Variants in PTPRG observed in about 807,000 individuals in gnomAD.
PTPRG encodes the protein receptor-type tyrosine-protein phosphatase gamma.
Under a neutral mutation model 165.3 loss-of-function variants are expected in PTPRG, and 102 were observed. The ratio of observed to expected loss-of-function variants is 0.62; its 90% CI spans 0.53 to 0.73. The LOEUF is 0.73. PTPRG is among the 30% of genes least tolerant of loss of function. PTPRG has a pLI of 0.00. For synonymous variants in PTPRG, 675 were observed against 669.5 expected (o/e 1.01, Z -0.13); for missense variants, 1,866 against 1,861.4 (o/e 1.00, Z -0.05).
chr3:61,746,143 C>T (rs1180515069), intron 1 of PTPRG, among the ~76,000 whole-genome samples: 5 of 149,416 alleles, frequency 3.3e-5, no homozygotes, highest in Admixed American at 6.7e-5. Flanking sequence ...CCCTGGCTCA[C>T]GCTATCGTCC....
At chr3:62,092,740 G>A (rs1701985397) in intron 5 of PTPRG, among the ~76,000 whole-genome samples, 2 of 152,138 alleles carry the variant, frequency 1.3e-5, no homozygotes, top group South Asian at 4.1e-4. Flanking sequence ...GTTAATACGG[G>A]TAAAATCAAC....
chr3:61,839,565 C>T (rs538609586), intron 2 of PTPRG, among the ~76,000 whole-genome samples: 2 of 152,084 alleles, frequency 1.3e-5, no homozygotes, highest in Admixed American at 6.6e-5. Flanking sequence ...GGGACTTGAA[C>T]TGAAAAGATA....
intron 2 of PTPRG, among the ~76,000 whole-genome samples, chr3:61,880,940 A>C (rs190977631): frequency 7.2e-6 from 1 of 139,404 alleles, no homozygotes; most frequent in East Asian, 2.2e-4. Context: ...AGACCATGCT[A>C]TGCTGTCTTT....
At chr3:61,871,163 G>GTGTTGTGTTGTGTTGTGTTATGTTA (rs2037566160) in intron 2 of PTPRG, among the ~76,000 whole-genome samples, 1 of 116,582 alleles carries the variant, frequency 8.6e-6, no homozygotes, top group East Asian at 2.4e-4. Flanking sequence ...GTGTTGTGTT[G>GTGTTGTGTTGTGTTGTGTTATGTTA]TGTTATGTTA....
intron 2 of PTPRG, among the ~76,000 whole-genome samples, chr3:61,866,652 T>C (rs1337254732): frequency 1.6e-5 from 2 of 127,570 alleles, no homozygotes; most frequent in Non-Finnish European, 3.1e-5. Flanking sequence ...CAGGCTGGAG[T>C]GCAGTGGTAC....
At chr3:62,051,577 T>C (rs1048029747) in intron 4 of PTPRG, among the ~76,000 whole-genome samples, 5 of 152,226 alleles carry the variant, frequency 3.3e-5, no homozygotes, top group African/African-American at 1.2e-4. Context: ...CCTTGAGACC[T>C]ATTCAAATTT....
At chr3:61,742,411 T>TTC in intron 1 of PTPRG, 1 of 1,228,012 alleles carries the variant, frequency 8.1e-7, no homozygotes, top group Admixed American at 3.2e-5. Context: ...GAATTTTTTT[T>TTC]TTTTTTTTTT....
chr3:62,023,158 C>T (rs74732334), intron 4 of PTPRG, among the ~76,000 whole-genome samples: 8,732 of 152,120 alleles, frequency 0.057, 597 homozygotes, highest in African/African-American at 0.16. Context: ...TGCATATTAT[C>T]TTATGAGTTA....
At chr3:61,711,039 T>A (rs149559472) in intron 1 of PTPRG, among the ~76,000 whole-genome samples, 1 of 152,126 alleles carries the variant, frequency 6.6e-6, no homozygotes, top group Non-Finnish European at 1.5e-5. Context: ...TTCTGTTCCT[T>A]TGTTAGTTTG....
intron 2 of PTPRG, among the ~76,000 whole-genome samples, chr3:61,988,987 G>A (rs1260012022): frequency 6.6e-6 from 1 of 152,136 alleles, no homozygotes; most frequent in African/African-American, 2.4e-5. Context: ...ACAGAGTCCA[G>A]TCTGAAGGTA....
At chr3:61,613,076 G>C (rs766959330) in intron 1 of PTPRG, among the ~76,000 whole-genome samples, 1 of 152,162 alleles carries the variant, frequency 6.6e-6, no homozygotes, top group Non-Finnish European at 1.5e-5. Flanking sequence ...AGAGTCAAAA[G>C]AACATTTATT....
chr3:61,675,868 A>G (rs368934532), intron 1 of PTPRG, among the ~76,000 whole-genome samples: 4 of 152,244 alleles, frequency 2.6e-5, no homozygotes, highest in African/African-American at 9.6e-5. Context: ...CCCCAGATCT[A>G]CACATTCACA....
At chr3:61,821,551 G>GT (rs1220318902) in intron 2 of PTPRG, among the ~76,000 whole-genome samples, 1 of 152,092 alleles carries the variant, frequency 6.6e-6, no homozygotes, top group Non-Finnish European at 1.5e-5. Flanking sequence ...TATTTCTTTC[G>GT]TTTTGCATGC....
chr3:61,736,556 A>C (rs1411260692), intron 1 of PTPRG, among the ~76,000 whole-genome samples: 1 of 152,188 alleles, frequency 6.6e-6, no homozygotes, highest in Non-Finnish European at 1.5e-5. Flanking sequence ...TATCAAAAGA[A>C]ATCTAAAAAC....
At chr3:61,817,002 A>G (rs1393460712) in intron 2 of PTPRG, among the ~76,000 whole-genome samples, 1 of 121,598 alleles carries the variant, frequency 8.2e-6, no homozygotes, top group African/African-American at 3.2e-5. Flanking sequence ...TATATTATAT[A>G]ATATAAATAT....
intron 1 of PTPRG, among the ~76,000 whole-genome samples, chr3:61,609,432 G>C (rs1168320046): frequency 6.6e-6 from 1 of 152,226 alleles, no homozygotes; most frequent in Non-Finnish European, 1.5e-5. Context: ...TTTCAAGGAA[G>C]AGCTGAGTTG....
intron 6 of PTPRG, among the ~76,000 whole-genome samples, chr3:62,135,593 G>C (rs939132134): frequency 6.6e-6 from 1 of 152,132 alleles, no homozygotes; most frequent in African/African-American, 2.4e-5. Flanking sequence ...GGAATAACCT[G>C]CTCATATCAG....
intron 5 of PTPRG, among the ~76,000 whole-genome samples, chr3:62,106,264 T>A (rs1508399): frequency 6.6e-6 from 1 of 151,878 alleles, no homozygotes; most frequent in African/African-American, 2.4e-5. Context: ...GTGAGTGAAC[T>A]TTCTTTGTTA....
chr3:61,978,358 T>C (rs1302429618), intron 2 of PTPRG, among the ~76,000 whole-genome samples: 1 of 152,246 alleles, frequency 6.6e-6, no homozygotes, highest in African/African-American at 2.4e-5. Context: ...GGAAATGCTT[T>C]CCCTACTCTA....
Sources: gnomAD v4.1 joint callset for allele counts (sites outside exome capture counted in the v4.1 genomes callset) on GRCh38, gnomAD v4.1.1 for gene constraint, MANE v1.5 for transcripts, NCBI Gene and HGNC (gene_info 2026-07-23, HGNC 2026-07-21) for gene names.